SHCBP1L: variants seen among roughly 807,000 people sequenced by gnomAD.
SHCBP1L encodes the protein testicular spindle-associated protein SHCBP1L.
A neutral mutation model predicts 62.5 loss-of-function variants in SHCBP1L; 67 were observed. That is an observed-to-expected ratio of 1.07 (90% confidence interval 0.88 to 1.31). The LOEUF (loss-of-function observed/expected upper bound fraction) is 1.31. SHCBP1L is among the 40% of genes most tolerant of loss of function. SHCBP1L has a pLI of 0.00. For missense variants in SHCBP1L, 823 were observed against 809.8 expected, an observed-to-expected ratio of 1.02 and a Z score of -0.20; for synonymous variants, 284 against 289.4, an observed-to-expected ratio of 0.98 and a Z score of 0.19.
At chr1:182,930,594 T>A (rs6424876) in intron 5 of SHCBP1L, among the ~76,000 whole-genome samples, 4 of 99,880 alleles carry the variant, frequency 4.0e-5, no homozygotes, top group South Asian at 6.5e-4. Context: ...TATATATATA[T>A]ACACATATAT....
intron 9 of SHCBP1L, among the ~76,000 whole-genome samples, chr1:182,900,696 G>T (rs932322733): frequency 1.2e-4 from 18 of 152,106 alleles, no homozygotes; most frequent in Admixed American, 5.2e-4. Context: ...TTCCCAAAGC[G>T]CTGGAATTAC....
intron 6 of SHCBP1L, among the ~76,000 whole-genome samples, chr1:182,926,267 C>A (rs1284603419): frequency 1.3e-5 from 2 of 152,106 alleles, no homozygotes; most frequent in African/African-American, 4.8e-5. Context: ...TCTGAGGAGG[C>A]AGATGGCAAC....
chr1:182,944,503 CA>C (rs201325413), intron 2 of SHCBP1L: 5,393 of 128,350 alleles, frequency 0.042, 213 homozygotes, highest in African/African-American at 0.11. Flanking sequence ...TACTCAGTCT[CA>C]AAAAAAAAAA....
At chr1:182,924,608 GT>G (rs1650618404) in intron 6 of SHCBP1L, among the ~76,000 whole-genome samples, 1 of 150,370 alleles carries the variant, frequency 6.7e-6, no homozygotes, top group Non-Finnish European at 1.5e-5. Flanking sequence ...AAGAATCAAT[GT>G]TGTTAAAATG....
At chr1:182,942,598 G>A (rs577345908) in intron 2 of SHCBP1L, among the ~76,000 whole-genome samples, 95 of 152,300 alleles carry the variant, frequency 6.2e-4, no homozygotes, top group Middle Eastern at 3.4e-3. Flanking sequence ...TTTCACCATA[G>A]TATAGTGATA....
chr1:182,914,436 T>C (rs1195185933), intron 6 of SHCBP1L, among the ~76,000 whole-genome samples: 1 of 152,170 alleles, frequency 6.6e-6, no homozygotes, highest in African/African-American at 2.4e-5. Context: ...CCTAAAACAA[T>C]CCTTGTAAAT....
At chr1:182,928,557 G>A (rs1344446129) in intron 6 of SHCBP1L, among the ~76,000 whole-genome samples, 4 of 152,120 alleles carry the variant, frequency 2.6e-5, no homozygotes, top group African/African-American at 9.7e-5. Context: ...CAGTGGCTCA[G>A]CAGGCAGAGG....
At position 182,899,874 on chromosome 1, in the gene SHCBP1L, A is replaced by C. The variant is rs534817368; in HGVS notation, c.*109T>G. 4 of 903,264 alleles carry C rather than the reference A, an allele frequency of 4.4e-6. No individual in the cohort carries two copies. The African/African-American group carries it at 6.8e-5, about 15-fold the overall frequency. The allele number at this position is 903,264 out of a possible 1,614,324, so 56.0% of individuals were successfully genotyped here. The stretch of plus-strand genomic sequence containing the variant: ...TCATTCAGTGAAAGCATGATATTTA[A>C]ATATTTTTTAATTAAGCTTTGAATT... On this transcript the variant is annotated 3_prime_UTR_variant, in exon 10 of 10. Transcript: ENST00000367547.
At chr1:182,942,023 A>C in intron 2 of SHCBP1L, 1 of 888,064 alleles carries the variant, frequency 1.1e-6, no homozygotes, top group Non-Finnish European at 1.8e-6. Context: ...ACTTGCATTT[A>C]CAAAATAGTT....
chr1:182,933,958 T>G (rs4418558), intron 5 of SHCBP1L, among the ~76,000 whole-genome samples: 2,161 of 152,312 alleles, frequency 0.014, 55 homozygotes, highest in African/African-American at 0.05. Flanking sequence ...CATCTAGTCC[T>G]TGACTTTCCT....
intron 6 of SHCBP1L, among the ~76,000 whole-genome samples, chr1:182,920,673 C>T (rs988339993): frequency 3.3e-5 from 5 of 151,970 alleles, no homozygotes; most frequent in African/African-American, 1.2e-4. Flanking sequence ...ATCCAATAAA[C>T]AATACAAGAG....
Position 182,950,063 on chromosome 1 carries a change from G to A in SHCBP1L, c.555+1255C>T, listed in dbSNP as rs183559025. 1.6e-3 allele frequency among the ~76,000 whole-genome samples: 249 copies of A among 152,180 alleles called. 1 individual carries two copies. Among genetic ancestry groups the A allele is most frequent in the South Asian group, 7.0e-3 (34 of 4,824 alleles). On this transcript the variant is annotated intron_variant, in intron 2 of 9. Coordinates refer to ENST00000367547, the MANE Select transcript of SHCBP1L (RefSeq NM_030933.4). The stretch of plus-strand genomic sequence containing the variant: ...CTCCCAAAGTGTTGGGACTACAGGC[G>A]TGAGCCACCACGCCCAGCCGCCATT...
chr1:182,918,630 CT>C (rs796321259), intron 6 of SHCBP1L, among the ~76,000 whole-genome samples: 4 of 151,650 alleles, frequency 2.6e-5, no homozygotes, highest in Non-Finnish European at 5.9e-5. Context: ...TTTCAATAGC[CT>C]TTTTTTTGAA....
chr1:182,940,831 AGTGTGTGTGTGT>A (rs796801883), intron 2 of SHCBP1L, among the ~76,000 whole-genome samples: 1 of 151,338 alleles, frequency 6.6e-6, no homozygotes, highest in Non-Finnish European at 1.5e-5. Flanking sequence ...TTCATAAAAC[AGTGTGTGTGTGT>A]GTGACACACA....
intron 2 of SHCBP1L, among the ~76,000 whole-genome samples, chr1:182,943,275 ATTTTTTTTT>A (rs767553592): frequency 2.5e-5 from 2 of 79,094 alleles, no homozygotes; most frequent in African/African-American, 5.0e-5. Context: ...ACCATTCTTG[ATTTTTTTTT>A]TTTTTTTTTT....
intron 5 of SHCBP1L, among the ~76,000 whole-genome samples, chr1:182,933,062 C>A (rs954106190): frequency 1.3e-5 from 2 of 152,072 alleles, no homozygotes; most frequent in Non-Finnish European, 2.9e-5. Flanking sequence ...CACACCACCA[C>A]ACCTGGCTAA....
chr1:182,919,979 T>C (rs1157076726), intron 6 of SHCBP1L, among the ~76,000 whole-genome samples: 1 of 152,034 alleles, frequency 6.6e-6, no homozygotes, highest in Non-Finnish European at 1.5e-5. Context: ...CACACATGCA[T>C]GCACACTTTG....
intron 6 of SHCBP1L, among the ~76,000 whole-genome samples, chr1:182,924,934 G>GGAAGAAAGAAAGAAA (rs1279646322): frequency 4.0e-5 from 4 of 100,956 alleles, no homozygotes; most frequent in African/African-American, 1.8e-4. Context: ...AAGGAAGGAA[G>GGAAGAAAGAAAGAAA]GAAGAAAGAA....
intron 5 of SHCBP1L, among the ~76,000 whole-genome samples, chr1:182,930,727 ATTT>A (rs71127328): frequency 1.4e-3 from 30 of 20,954 alleles, no homozygotes; most frequent in African/African-American, 4.2e-3. Context: ...ATATATATGT[ATTT>A]TTTTTTTTTT....
Sources: gnomAD v4.1 joint callset for allele counts (sites outside exome capture counted in the v4.1 genomes callset) on GRCh38, gnomAD v4.1.1 for gene constraint, MANE v1.5 for transcripts, NCBI Gene and HGNC (gene_info 2026-07-23, HGNC 2026-07-21) for gene names.